Variants in MRC1 observed in about 807,000 individuals in gnomAD.
The protein encoded by MRC1 is macrophage mannose receptor 1.
A neutral mutation model predicts 102.9 loss-of-function variants in MRC1; 62 were observed. The ratio of observed to expected loss-of-function variants is 0.60; its 90% CI spans 0.49 to 0.74. MRC1 has a LOEUF of 0.74. Ranked by LOEUF, MRC1 falls within the 30% of genes least tolerant of loss-of-function variation. MRC1 has a pLI of 0.00. For missense variants in MRC1, 1,237 were observed against 862.8 expected, an observed-to-expected ratio of 1.43 and a Z score of -5.43; for synonymous variants, 457 against 298.4, an observed-to-expected ratio of 1.53 and a Z score of -5.48.
At chr10:17,811,188 A>G (rs1838215440) in intron 1 of MRC1, among the ~76,000 whole-genome samples, 1 of 152,184 alleles carries the variant, frequency 6.6e-6, no homozygotes. Context: ...TCATTTCTTA[A>G]AACTAACTCT....
intron 21 of MRC1, among the ~76,000 whole-genome samples, chr10:17,882,037 C>T (rs1833528163): frequency 6.6e-6 from 1 of 151,672 alleles, no homozygotes; most frequent in Non-Finnish European, 1.5e-5. Flanking sequence ...ATCCATAGAG[C>T]AGATGGTAAA....
chr10:17,853,640 T>G (rs1468674492), intron 8 of MRC1, among the ~76,000 whole-genome samples: 8 of 151,900 alleles, frequency 5.3e-5, no homozygotes, highest in African/African-American at 1.9e-4. Context: ...TAGCCCCGTA[T>G]ATATGTGAGA....
intron 23 of MRC1, 44 bp downstream of exon 23, chr10:17,894,356 T>C (rs1036957811): frequency 4.0e-4 from 340 of 848,344 alleles, no homozygotes; most frequent in Non-Finnish European, 6.1e-4. Context: ...GCTGGGGTTT[T>C]TTTTTCCCCA....
At chr10:17,870,114 A>G in intron 12 of MRC1, 132 bp from the exon 13 acceptor site, 1 of 670,272 alleles carries the variant, frequency 1.5e-6, no homozygotes, top group Non-Finnish European at 2.7e-6. Context: ...AAGCAAAAGA[A>G]TTACATTGTT....
Position 17,823,248 on chromosome 10 carries a change from C to T in MRC1, c.236C>T (p.Ser79Leu). The T allele has an allele frequency of 1.3e-6, 1 of 780,406 alleles. No individual in the cohort carries two copies. Among genetic ancestry groups the T allele is most frequent in the Non-Finnish European group, 2.4e-6 (1 of 417,754 alleles). 48.3% of individuals were successfully genotyped at this position (780,406 alleles called of 1,614,324 possible). The change falls in exon 2 of 30, where the codon TCA becomes TTA. Residue 79 changes from serine to leucine, a missense_variant. Coordinates refer to ENST00000569591, the MANE Select transcript of MRC1 (RefSeq NM_002438.4). ...VAFKLCLGVPSKTDWVAITLY... is the reference protein window; with the variant it reads ...VAFKLCLGVPLKTDWVAITLY... ...TTTAAATTATGCCTGGGAGTGCCAT[C>T]AAAAACGGACTGGGTTGCTATCACT... is the stretch of plus-strand genomic sequence containing the variant.
At chr10:17,810,262 G>A (rs1838202573) in intron 1 of MRC1, among the ~76,000 whole-genome samples, 1 of 152,144 alleles carries the variant, frequency 6.6e-6, no homozygotes, top group African/African-American at 2.4e-5. Context: ...CAGGATGGGA[G>A]TGCCTCGGGG....
intron 2 of MRC1, among the ~76,000 whole-genome samples, chr10:17,826,846 A>G (rs1269698335): frequency 6.6e-6 from 1 of 152,200 alleles, no homozygotes; most frequent in African/African-American, 2.4e-5. Flanking sequence ...AACAGTTTTG[A>G]GTGGTTTCTT....
intron 1 of MRC1, among the ~76,000 whole-genome samples, chr10:17,817,013 C>T (rs985231110): frequency 0.011 from 1,674 of 152,044 alleles, 11 homozygotes; most frequent in Middle Eastern, 0.048. Flanking sequence ...TTTGGGAGGC[C>T]GGGGCAGGTG....
chr10:17,908,044 G>C (rs990891905), intron 28 of MRC1, among the ~76,000 whole-genome samples: 6 of 152,188 alleles, frequency 3.9e-5, no homozygotes, highest in Admixed American at 3.9e-4. Flanking sequence ...CCAAACCTGA[G>C]GAGACCAGGG....
In MRC1 at chr10:17,823,370, G is replaced by A. The variant is rs372055031; in HGVS notation, c.358G>A (p.Gly120Ser). The change falls in exon 2 of 30, where the codon GGC becomes AGC. Residue 120 changes from glycine (G) to serine (S), a missense_variant. By Grantham distance (56) the Gly-to-Ser change is moderately conservative. Coordinates refer to ENST00000569591, the MANE Select transcript of MRC1 (RefSeq NM_002438.4). The stretch of plus-strand genomic sequence containing the variant: ...AGGAGAAGATTTATTTTTTAACTAC[G>A]GCAACAGACAAGAAAAGAATATTAT... ...IKGEDLFFNY[G>S]NRQEKNIMLY... The A allele has an allele frequency of 4.4e-5, 34 of 780,712 alleles. No individual in the cohort carries two copies. Among genetic ancestry groups the A allele is most frequent in the Non-Finnish European group, 6.9e-5 (29 of 417,948 alleles). 48.4% of individuals were successfully genotyped at this position (780,712 alleles called of 1,614,324 possible).
At chr10:17,840,470 G>T (rs1838734335) in intron 4 of MRC1, among the ~76,000 whole-genome samples, 1 of 152,152 alleles carries the variant, frequency 6.6e-6, no homozygotes, top group African/African-American at 2.4e-5. Flanking sequence ...AATCTTACCA[G>T]ATTACCTATG....
chr10:17,881,965 T>C (rs1414904782), intron 21 of MRC1, among the ~76,000 whole-genome samples: 3 of 148,268 alleles, frequency 2.0e-5, no homozygotes. Context: ...ATACCTGGCT[T>C]TGAAATATTT....
In MRC1 at chr10:17,830,432, G is replaced by A. The variant is rs1322410923; in HGVS notation, c.637+2717G>A. 4.6e-5 allele frequency among the ~76,000 whole-genome samples: 7 copies of A among 151,342 alleles called. 1 individual carries two copies. Among genetic ancestry groups the A allele is most frequent in the South Asian group, 2.1e-4 (1 of 4,826 alleles). ...CAGGTGTGAGCCACCGTGCCCGGAC[G>A]AGCATTTTATTTTATATCAGCCTTA... On this transcript the variant is annotated intron_variant, in intron 3 of 29. Coordinates refer to ENST00000569591, the MANE Select transcript of MRC1 (RefSeq NM_002438.4).
intron 6 of MRC1, among the ~76,000 whole-genome samples, chr10:17,847,933 T>TTTTA (rs1280861937): frequency 1.3e-5 from 2 of 151,724 alleles, no homozygotes; most frequent in African/African-American, 4.8e-5. Flanking sequence ...CTTCTTTTTT[T>TTTTA]TTTTGTAACC....
intron 16 of MRC1, among the ~76,000 whole-genome samples, chr10:17,874,429 T>C (rs1833398156): frequency 6.6e-6 from 1 of 152,154 alleles, no homozygotes; most frequent in African/African-American, 2.4e-5. Context: ...TGTTACTACA[T>C]TTAGGGCTCA....
intron 1 of MRC1, among the ~76,000 whole-genome samples, chr10:17,810,020 A>G (rs1190110304): frequency 2.0e-5 from 3 of 152,000 alleles, no homozygotes; most frequent in Admixed American, 6.6e-5. Flanking sequence ...AGCAATTTCC[A>G]TACTCATTTT....
At position 17,870,335 on chromosome 10, in the gene MRC1, T is replaced by G; in HGVS notation, c.2073T>G (p.Asn691Lys). ...TGGGTGGAGACTTAGCTAGCATCAA[T>G]AACAAAGAGGAACAGCAAACAATAT... Reference protein sequence around the residue: ...RALGGDLASINNKEEQQTIWR... With the variant: ...RALGGDLASIKNKEEQQTIWR... Residue 691 changes from asparagine (N) to lysine (K), a missense_variant, in exon 13 of 30, where the codon AAT (asparagine) becomes AAG (lysine). Transcript: ENST00000569591. The G allele has an allele frequency of 2.6e-6, 2 of 780,478 alleles. No homozygotes were observed. Among genetic ancestry groups the G allele is most frequent in the Non-Finnish European group, 4.8e-6 (2 of 417,694 alleles). The allele number at this position is 780,478 out of a possible 1,614,324, so 48.3% of individuals were successfully genotyped here.
chr10:17,884,008 A>G (rs1833555311), intron 21 of MRC1, among the ~76,000 whole-genome samples: 1 of 151,694 alleles, frequency 6.6e-6, no homozygotes. Flanking sequence ...CCTCTGTTGC[A>G]CAGGCTCAAG....
intron 1 of MRC1, among the ~76,000 whole-genome samples, chr10:17,814,044 T>G (rs552535964): frequency 0.028 from 4,204 of 152,262 alleles, 135 homozygotes; most frequent in African/African-American, 0.072. Context: ...CTACAAATAT[T>G]GCACATGAAT....
Sources: gnomAD v4.1 joint callset for allele counts (sites outside exome capture counted in the v4.1 genomes callset) on GRCh38, gnomAD v4.1.1 for gene constraint, MANE v1.5 for transcripts, NCBI Gene and HGNC (gene_info 2026-07-23, HGNC 2026-07-21) for gene names.